The following HDAC9 variants were observed in gnomAD, a reference collection of about 807,000 sequenced individuals.
HDAC9 encodes MEF-2 interacting transcription repressor (MITR) protein.
In HDAC9, 41 loss-of-function variants were observed where a neutral mutation model predicts 139.4. The ratio of observed to expected loss-of-function variants is 0.29; its 90% CI spans 0.23 to 0.38. HDAC9 has a LOEUF of 0.38. Among genes scored for constraint, HDAC9 ranks in the 10% least tolerant of loss-of-function variants. HDAC9 has a pLI of 1.00. For synonymous variants in HDAC9, 517 were observed against 476.2 expected, an observed-to-expected ratio of 1.09 and a Z score of -1.12; for missense variants, 1,147 against 1,297.0, an observed-to-expected ratio of 0.88 and a Z score of 1.78.
chr7:18,593,578 T>A (rs1242074022), intron 5 of HDAC9, among the ~76,000 whole-genome samples: 2 of 152,162 alleles, frequency 1.3e-5, no homozygotes, highest in East Asian at 3.9e-4. Context: ...ATTGAGATGA[T>A]GACTTTTCCC....
intron 1 of HDAC9, among the ~76,000 whole-genome samples, chr7:18,359,733 C>T (rs548814740): frequency 5.1e-4 from 78 of 152,212 alleles, no homozygotes; most frequent in African/African-American, 1.6e-3. Context: ...CTCAGCCTCC[C>T]GAGTAGCTGG....
chr7:18,160,912 T>C (rs1052148816), intron 1 of HDAC9, among the ~76,000 whole-genome samples: 2 of 152,168 alleles, frequency 1.3e-5, no homozygotes, highest in Admixed American at 6.5e-5. Flanking sequence ...AAATATCACA[T>C]TGAACAATTT....
At chr7:18,583,999 T>G (rs1052200174) in intron 2 of HDAC9, among the ~76,000 whole-genome samples, 1 of 152,128 alleles carries the variant, frequency 6.6e-6, no homozygotes, top group African/African-American at 2.4e-5. Context: ...AGGGTCATAC[T>G]CAAAATATTT....
chr7:18,156,213 G>A (rs1033460304), intron 1 of HDAC9, among the ~76,000 whole-genome samples: 1 of 152,162 alleles, frequency 6.6e-6, no homozygotes, highest in Admixed American at 6.5e-5. Flanking sequence ...GGGAAAAAAA[G>A]CTGAGGCTAA....
intron 17 of HDAC9, among the ~76,000 whole-genome samples, chr7:18,806,648 A>G (rs773418727): frequency 6.6e-6 from 1 of 152,180 alleles, no homozygotes; most frequent in Non-Finnish European, 1.5e-5. Flanking sequence ...ATGAAAATAC[A>G]TTTATTATAT....
At chr7:18,707,977 G>C (rs1784066709) in intron 12 of HDAC9, among the ~76,000 whole-genome samples, 4 of 152,102 alleles carry the variant, frequency 2.6e-5, no homozygotes, top group Admixed American at 2.6e-4. Context: ...AGAGGCTGAA[G>C]ATACAGGAGC....
intron 17 of HDAC9, among the ~76,000 whole-genome samples, chr7:18,815,879 CAT>C (rs1794525912): frequency 6.6e-6 from 1 of 152,210 alleles, no homozygotes; most frequent in South Asian, 2.1e-4. Context: ...CAGATTCCAG[CAT>C]GTGAGAGACA....
chr7:18,116,593 G>C (rs528707091), intron 1 of HDAC9, among the ~76,000 whole-genome samples: 3 of 151,728 alleles, frequency 2.0e-5, no homozygotes, highest in Non-Finnish European at 4.4e-5. Context: ...ATATGTTTTG[G>C]TTAACATACG....
intron 6 of HDAC9, among the ~76,000 whole-genome samples, chr7:18,607,830 G>C (rs910582098): frequency 1.8e-4 from 28 of 151,976 alleles, no homozygotes; most frequent in African/African-American, 5.1e-4. Flanking sequence ...ATGATTTGAA[G>C]AATATATAAG....
chr7:18,968,958 CAAAA>C (rs34379636), intron 24 of HDAC9, among the ~76,000 whole-genome samples: 10 of 45,188 alleles, frequency 2.2e-4, no homozygotes, highest in Admixed American at 3.7e-4. Flanking sequence ...GCCTCCCTCT[CAAAA>C]AAAAAAAAAA....
At chr7:18,112,866 A>G (rs1176755921) in intron 1 of HDAC9, among the ~76,000 whole-genome samples, 2 of 152,212 alleles carry the variant, frequency 1.3e-5, no homozygotes, top group Non-Finnish European at 2.9e-5. Flanking sequence ...GATGTTGCAT[A>G]GGTACTAGGT....
rs1422017071 is a variant in HDAC9, at chr7:19,001,993, G to C, written c.*5931G>C. 2 of 152,028 alleles carry C rather than the reference G, an allele frequency of 1.3e-5. No homozygotes were observed. Among genetic ancestry groups the C allele is most frequent in the Non-Finnish European group, 2.9e-5 (2 of 67,930 alleles). The allele number at this position is 152,028 out of a possible 1,614,324, so 9.4% of individuals were successfully genotyped here. A position where few individuals can be genotyped will look rare whatever the true frequency, so the allele number is the denominator to read the frequency against. ...AAAAATGTCTTTTCTATTGTGGTCT[G>C]ATATCCGTTTCTGTAATAAGATCAG... On this transcript the variant is annotated 3_prime_UTR_variant, in exon 26 of 26. Transcript: ENST00000686413.
In HDAC9 at chr7:18,727,668, G is replaced by T; in HGVS notation, c.1820G>T (p.Arg607Leu). 3.1e-6 allele frequency: 5 copies of T among 1,591,796 alleles called. No individual in the cohort carries two copies. Among genetic ancestry groups the T allele is most frequent in the Admixed American group, 1.8e-5 (1 of 54,802 alleles). The change falls in exon 13 of 26, where the codon CGT becomes CTT. Residue 607 changes from arginine (R) to leucine (L), a missense_variant. Physicochemically the swap from Arg to Leu is moderately radical, Grantham distance 102. Transcript: ENST00000686413. ...AVGMDGLEKH[R>L]LVSRTHSSPA... is the part of the protein sequence containing the mutation. Reference sequence around the variant, plus strand: ...GGCATGGATGGATTAGAGAAACACCGTCTCGTCTCCAGGACTCACTCTTCC... The same window carrying T: ...GGCATGGATGGATTAGAGAAACACCTTCTCGTCTCCAGGACTCACTCTTCC...
chr7:18,489,956 C>T (rs1316121535), intron 1 of HDAC9, among the ~76,000 whole-genome samples: 2 of 152,022 alleles, frequency 1.3e-5, no homozygotes, highest in Non-Finnish European at 2.9e-5. Flanking sequence ...TACAATGCTG[C>T]TCTCATTCGC....
chr7:18,604,697 A>C (rs1162684790), intron 6 of HDAC9, among the ~76,000 whole-genome samples: 1 of 151,928 alleles, frequency 6.6e-6, no homozygotes, highest in African/African-American at 2.4e-5. Flanking sequence ...CCGCGCCCGG[A>C]TAAGACCTTT....
intron 1 of HDAC9, among the ~76,000 whole-genome samples, chr7:18,374,592 TACA>T (rs72344590): frequency 0.033 from 5,077 of 152,096 alleles, 292 homozygotes; most frequent in African/African-American, 0.12. Context: ...TTAAAATGGC[TACA>T]ACATCACTAG....
chr7:18,158,466 C>G (rs1787386318), intron 1 of HDAC9, among the ~76,000 whole-genome samples: 1 of 152,184 alleles, frequency 6.6e-6, no homozygotes, highest in Admixed American at 6.6e-5. Flanking sequence ...GTTCATACAG[C>G]TCTGCTCAAG....
Position 18,374,393 on chromosome 7 carries a change from G to GAA in HDAC9, c.-42+83879_-42+83880insAA, listed in dbSNP as rs1784829538. Among the ~76,000 whole-genome samples the GAA allele has an allele frequency of 2.6e-5, 4 of 151,990 alleles. No homozygotes were observed. The South Asian group carries it at 8.3e-4, about 32-fold the overall frequency. ...ATTTCCTCATTGTGTGAACATCTTA[G>GAA]AGAGCACTTACAACACAAGCCTAGA... On this transcript the variant is annotated intron_variant, in intron 1 of 3. Transcript: ENST00000413509.
At chr7:18,145,190 G>A (rs1056331762) in intron 1 of HDAC9, among the ~76,000 whole-genome samples, 1 of 152,196 alleles carries the variant, frequency 6.6e-6, no homozygotes, top group Non-Finnish European at 1.5e-5. Flanking sequence ...CATATGTCAA[G>A]CACTGATCTC....
Sources: allele counts gnomAD v4.1 joint callset (sites outside exome capture counted in the v4.1 genomes callset), GRCh38; gene constraint gnomAD v4.1.1; transcripts MANE v1.5; gene names NCBI Gene and HGNC (gene_info 2026-07-23, HGNC 2026-07-21).